The following ROBO2 variants were observed in gnomAD, a reference collection of about 807,000 sequenced individuals.
ROBO2 encodes the protein roundabout homolog 2.
In ROBO2, 53 loss-of-function variants were observed where a neutral mutation model predicts 160.8. The ratio of observed to expected loss-of-function variants is 0.33; its 90% CI spans 0.26 to 0.41. The LOEUF is 0.41. Among genes scored for constraint, ROBO2 ranks in the 10% least tolerant of loss-of-function variants. The pLI, the probability that ROBO2 is intolerant of heterozygous loss-of-function variation, is 1.00. For missense variants in ROBO2, 1,577 were observed against 1,722.4 expected (o/e 0.92, Z 1.49); for synonymous variants, 664 against 611.7 (o/e 1.09, Z -1.26).
intron 2 of ROBO2, among the ~76,000 whole-genome samples, chr3:76,730,398 C>G (rs111161416): frequency 0.24 from 1,684 of 7,146 alleles, 146 homozygotes; most frequent in Non-Finnish European, 0.28. Flanking sequence ...CTACCCGCTT[C>G]TCCTCACCTC....
intron 2 of ROBO2, among the ~76,000 whole-genome samples, chr3:76,094,481 C>A (rs1279911193): frequency 6.6e-6 from 1 of 152,152 alleles, no homozygotes; most frequent in Non-Finnish European, 1.5e-5. Flanking sequence ...GAGAAGGATG[C>A]CCTGAGACTC....
At chr3:76,898,831 T>TTC (rs2075010463) in intron 2 of ROBO2, among the ~76,000 whole-genome samples, 1 of 152,158 alleles carries the variant, frequency 6.6e-6, no homozygotes, top group Admixed American at 6.6e-5. Flanking sequence ...TAAATATTTG[T>TTC]TAAAAATATA....
At chr3:77,002,965 A>C (rs2149426675) in intron 2 of ROBO2, among the ~76,000 whole-genome samples, 1 of 132,624 alleles carries the variant, frequency 7.5e-6, no homozygotes. Flanking sequence ...AAGGCAGATC[A>C]GAAATCTCCC....
intron 2 of ROBO2, among the ~76,000 whole-genome samples, chr3:76,095,657 C>T (rs1465558027): frequency 3.3e-5 from 5 of 151,922 alleles, no homozygotes; most frequent in Non-Finnish European, 7.4e-5. Context: ...CAAAACTCCA[C>T]ATAGAAAATA....
intron 2 of ROBO2, among the ~76,000 whole-genome samples, chr3:77,475,104 C>T (rs1352210126): frequency 6.6e-6 from 1 of 151,482 alleles, no homozygotes; most frequent in East Asian, 1.9e-4. Flanking sequence ...TTATAATATC[C>T]TGAAGACTTA....
chr3:76,384,633 A>G (rs1480771684), intron 2 of ROBO2, among the ~76,000 whole-genome samples: 1 of 152,156 alleles, frequency 6.6e-6, no homozygotes, highest in Non-Finnish European at 1.5e-5. Flanking sequence ...AGGACTGGGG[A>G]GGCCTCAAGA....
chr3:77,417,200 A>G (rs867497410), intron 2 of ROBO2, among the ~76,000 whole-genome samples: 2 of 149,924 alleles, frequency 1.3e-5, no homozygotes, highest in Non-Finnish European at 3.0e-5. Context: ...AAGGGTTTCC[A>G]TTATTTTAAT....
chr3:75,909,374 A>T (rs1225127069), intron 1 of ROBO2, among the ~76,000 whole-genome samples: 1 of 152,208 alleles, frequency 6.6e-6, no homozygotes, highest in Non-Finnish European at 1.5e-5. Flanking sequence ...TTAAACAAGA[A>T]TATTGAATGC....
At chr3:77,295,076 C>A (rs969763088) in intron 2 of ROBO2, among the ~76,000 whole-genome samples, 3 of 150,348 alleles carry the variant, frequency 2.0e-5, no homozygotes, top group African/African-American at 4.9e-5. Flanking sequence ...GGCTAGAGCA[C>A]TAAAGACATA....
chr3:76,298,031 C>A (rs1385054869), intron 2 of ROBO2, among the ~76,000 whole-genome samples: 1 of 152,014 alleles, frequency 6.6e-6, no homozygotes, highest in Non-Finnish European at 1.5e-5. Context: ...ACTTAGAGAT[C>A]CCTAGGAAAA....
chr3:75,960,324 AGT>A, intron 2 of ROBO2, among the ~76,000 whole-genome samples: 1 of 151,910 alleles, frequency 6.6e-6, no homozygotes, highest in South Asian at 2.1e-4. Context: ...TGAGTAGTTA[AGT>A]TTAACTATAA....
chr3:76,053,403 G>A (rs1454968835), intron 2 of ROBO2, among the ~76,000 whole-genome samples: 1 of 151,918 alleles, frequency 6.6e-6, no homozygotes, highest in Non-Finnish European at 1.5e-5. Flanking sequence ...CATTGTAGAT[G>A]TTCTTTTTCT....
chr3:76,729,395 T>A lies in ROBO2; in HGVS notation c.110-368619T>A, dbSNP rs138997784. Reference sequence around the variant, plus strand: ...CTCCCCTTTTGCAATAATTCACCACTCTAATAGTTACAGATTATTAAATTA... The same window carrying A: ...CTCCCCTTTTGCAATAATTCACCACACTAATAGTTACAGATTATTAAATTA... On this transcript the variant is annotated intron_variant, in intron 2 of 26. Transcript: ENST00000487694. Among the ~76,000 whole-genome samples, 363 of 152,256 alleles carry A rather than the reference T, an allele frequency of 2.4e-3. 2 individuals are homozygous for A. The highest frequency in any genetic ancestry group is 8.6e-3 in the African/African-American group (356 of 41,546).
chr3:76,302,442 C>T (rs1365574162), intron 2 of ROBO2, among the ~76,000 whole-genome samples: 2 of 151,970 alleles, frequency 1.3e-5, no homozygotes, highest in African/African-American at 4.8e-5. Flanking sequence ...AGAAACAGAA[C>T]CAATATTATA....
chr3:76,935,701 G>C (rs2077654257), intron 2 of ROBO2, among the ~76,000 whole-genome samples: 1 of 152,216 alleles, frequency 6.6e-6, no homozygotes, highest in Non-Finnish European at 1.5e-5. Context: ...CCTTCTAGCT[G>C]TGTTCTGCCA....
intron 2 of ROBO2, among the ~76,000 whole-genome samples, chr3:76,295,313 T>C (rs1443464661): frequency 6.6e-6 from 1 of 152,080 alleles, no homozygotes; most frequent in Non-Finnish European, 1.5e-5. Context: ...AGAATCACTG[T>C]TCTAAAAGAG....
rs117609447 is a variant in ROBO2, at chr3:76,018,171, T to G, written c.109+80569T>G. On this transcript the variant is annotated intron_variant, in intron 2 of 26. Transcript: ENST00000487694. ...TGGGCAATAGTTAAAAGGAATAAACTATCTCTAGATATACATAGATCTCAA... is the reference window on the plus strand; with the variant it reads ...TGGGCAATAGTTAAAAGGAATAAACGATCTCTAGATATACATAGATCTCAA... 4.0e-3 allele frequency among the ~76,000 whole-genome samples: 616 copies of G among 152,134 alleles called. 9 individuals are homozygous for G. The highest frequency in any genetic ancestry group is 0.036 in the East Asian group (187 of 5,172).
chr3:76,918,055 C>T (rs1298454893), intron 2 of ROBO2, among the ~76,000 whole-genome samples: 6 of 152,012 alleles, frequency 3.9e-5, no homozygotes, highest in Admixed American at 3.3e-4. Context: ...TGGATCCCCT[C>T]GTTCCAAAAG....
chr3:76,794,140 T>G (rs2063542232), intron 2 of ROBO2, among the ~76,000 whole-genome samples: 1 of 151,886 alleles, frequency 6.6e-6, no homozygotes, highest in Non-Finnish European at 1.5e-5. Flanking sequence ...ATTTGAATGG[T>G]GCAGAATTCA....
Sources: allele counts gnomAD v4.1 joint callset (sites outside exome capture counted in the v4.1 genomes callset), GRCh38; gene constraint gnomAD v4.1.1; transcripts MANE v1.5; gene names NCBI Gene and HGNC (gene_info 2026-07-23, HGNC 2026-07-21).